AP2B1: variants seen among roughly 807,000 people sequenced by gnomAD.
AP2B1 encodes the protein AP-2 complex subunit beta.
AP2B1 carries 23 observed loss-of-function variants against 102.0 expected under a neutral mutation model. The observed-to-expected ratio is 0.23, with a 90% CI of 0.16 to 0.32. The LOEUF (loss-of-function observed/expected upper bound fraction) is 0.32, where lower values mean the gene tolerates loss of function less well. Ranked by LOEUF, AP2B1 falls within the 10% of genes least tolerant of loss-of-function variation. AP2B1 has a pLI of 1.00. For missense variants in AP2B1, 541 were observed against 1,157.4 expected, an observed-to-expected ratio of 0.47 and a Z score of 7.73; for synonymous variants, 381 against 421.2, an observed-to-expected ratio of 0.90 and a Z score of 1.17.
At chr17:35,630,043 A>G (rs1951625176) in intron 9 of AP2B1, among the ~76,000 whole-genome samples, 1 of 152,216 alleles carries the variant, frequency 6.6e-6, no homozygotes, top group Non-Finnish European at 1.5e-5. Flanking sequence ...ATGATTTCTC[A>G]GGAATACGAA....
At chr17:35,710,528 A>G (rs1298503145) in intron 20 of AP2B1, among the ~76,000 whole-genome samples, 5 of 152,240 alleles carry the variant, frequency 3.3e-5, no homozygotes, top group African/African-American at 1.2e-4. Context: ...ACAAGCTAAC[A>G]TTTAAGAAAC....
At chr17:35,697,333 T>C (rs1390380931) in intron 18 of AP2B1, among the ~76,000 whole-genome samples, 1 of 152,218 alleles carries the variant, frequency 6.6e-6, no homozygotes, top group Non-Finnish European at 1.5e-5. Flanking sequence ...TGTGCTCACA[T>C]TTTGGGAATT....
chr17:35,670,162 A>C (rs564213267), intron 14 of AP2B1, among the ~76,000 whole-genome samples: 2 of 152,308 alleles, frequency 1.3e-5, no homozygotes, highest in Admixed American at 1.3e-4. Flanking sequence ...TTTTTAAATG[A>C]TCTCCAAATA....
At position 35,723,644 on chromosome 17, in the gene AP2B1, C is replaced by G; in HGVS notation, c.2801C>G (p.Ala934Gly). 1 of 1,612,418 alleles carries G rather than the reference C, an allele frequency of 6.2e-7. No homozygotes were observed. The highest frequency in any genetic ancestry group is 8.5e-7 in the Non-Finnish European group (1 of 1,178,442). Reference protein sequence around the residue: ...PNYTLSLKCRAPEVSQYIYQV... With the variant: ...PNYTLSLKCRGPEVSQYIYQV... ...TAACAGCTGTCACTGAAGTGTAGAG[C>G]TCCTGAAGTCTCTCAATACATCTAT... is the stretch of plus-strand genomic sequence containing the variant. Residue 934 changes from alanine to glycine, a missense_variant, in exon 22 of 22, where the codon GCT (alanine) becomes GGT (glycine). Ala to Gly is a moderately conservative substitution (Grantham distance 60, BLOSUM62 0). Transcript: ENST00000610402.
At chr17:35,679,159 C>A (rs1475406962) in intron 17 of AP2B1, among the ~76,000 whole-genome samples, 1 of 152,064 alleles carries the variant, frequency 6.6e-6, no homozygotes, top group Non-Finnish European at 1.5e-5. Context: ...GGAAGCTAGG[C>A]GGGTAGTTTT....
intron 2 of AP2B1, among the ~76,000 whole-genome samples, chr17:35,596,180 A>G (rs10468596): frequency 3.1e-4 from 47 of 152,316 alleles, no homozygotes; most frequent in African/African-American, 1.1e-3. Flanking sequence ...CTTTGATTCT[A>G]TAACACCTGC....
intron 9 of AP2B1, among the ~76,000 whole-genome samples, chr17:35,632,654 A>G (rs1468876686): frequency 1.3e-5 from 2 of 151,176 alleles, no homozygotes; most frequent in Non-Finnish European, 2.9e-5. Context: ...TACTGCTTTA[A>G]TGGTAGTTTT....
intron 13 of AP2B1, 108 bp from the exon 14 acceptor site, chr17:35,657,491 T>G: frequency 2.7e-6 from 2 of 750,870 alleles, no homozygotes; most frequent in Non-Finnish European, 4.1e-6. Flanking sequence ...TTTTCCCCCT[T>G]GTATTTGATA....
chr17:35,710,500 G>T (rs2076424149), intron 20 of AP2B1, among the ~76,000 whole-genome samples, 180 bp downstream of exon 20: 1 of 152,120 alleles, frequency 6.6e-6, no homozygotes, highest in African/African-American at 2.4e-5. Context: ...ATGTTTTGAT[G>T]TAGGTACTAG....
At chr17:35,720,848 A>G (rs1335881932) in intron 21 of AP2B1, among the ~76,000 whole-genome samples, 1 of 151,808 alleles carries the variant, frequency 6.6e-6, no homozygotes, top group African/African-American at 2.4e-5. Context: ...CTCCCATCAT[A>G]GCACTTGACA....
intron 20 of AP2B1, among the ~76,000 whole-genome samples, chr17:35,711,599 G>A (rs954418456): frequency 1.3e-5 from 2 of 152,078 alleles, no homozygotes; most frequent in African/African-American, 4.8e-5. Context: ...CTCCAGAGTA[G>A]CTGGGACTAC....
At chr17:35,713,969 A>T (rs587721303) in intron 20 of AP2B1, among the ~76,000 whole-genome samples, 1 of 152,350 alleles carries the variant, frequency 6.6e-6, no homozygotes, top group Non-Finnish European at 1.5e-5. Context: ...TTTGGGGTTA[A>T]TAGGTATCTG....
intron 17 of AP2B1, among the ~76,000 whole-genome samples, chr17:35,678,529 TTTCA>T (rs2075749899): frequency 6.6e-6 from 1 of 152,342 alleles, no homozygotes; most frequent in South Asian, 2.1e-4. Flanking sequence ...CTTGAGGAAG[TTTCA>T]TTCTGTTCCT....
intron 13 of AP2B1, among the ~76,000 whole-genome samples, chr17:35,654,957 G>C (rs531972297): frequency 6.6e-6 from 1 of 152,212 alleles, no homozygotes; most frequent in South Asian, 2.1e-4. Context: ...TAGCGGTGAT[G>C]TTTTTGGTAA....
At chr17:35,622,048 T>C (rs1372309990) in intron 5 of AP2B1, among the ~76,000 whole-genome samples, 1 of 152,194 alleles carries the variant, frequency 6.6e-6, no homozygotes, top group Non-Finnish European at 1.5e-5. Flanking sequence ...GCAAGGGAAA[T>C]AAAATATCTT....
intron 17 of AP2B1, among the ~76,000 whole-genome samples, chr17:35,682,073 G>A (rs8073375): frequency 0.5 from 75,422 of 151,696 alleles, 18,795 homozygotes; most frequent in East Asian, 0.52. Context: ...TGGCCAACAC[G>A]GTGAAACCCC....
rs71366465 is a variant in AP2B1 at position 35,589,924 on chromosome 17, CTTTTTTTTTTT to C, written c.-24+2505_-24+2515del. ...ATTTTGTTTACTTTTTCTGTAACTT[CTTTTTTTTTTT>C]TTTTTTTTGAGACGGAGTCTCACTC... is the stretch of plus-strand genomic sequence containing the variant. On this transcript the variant is annotated intron_variant, in intron 1 of 21. Coordinates refer to ENST00000610402, the MANE Select transcript of AP2B1 (RefSeq NM_001030006.2). Among the ~76,000 whole-genome samples the C allele has an allele frequency of 1.1e-4, 13 of 119,480 alleles. No homozygotes were observed. In the South Asian group the frequency reaches 2.9e-3, roughly 27 times the overall value. 78.4% of individuals were successfully genotyped at this position (119,480 alleles called of 152,430 possible).
At position 35,717,338 on chromosome 17, in the gene AP2B1, C is replaced by G. The variant is rs1053750128; in HGVS notation, c.2770C>G (p.Pro924Ala). 2 of 1,613,936 alleles carry G rather than the reference C, an allele frequency of 1.2e-6. No individual in the cohort carries two copies. The highest frequency in any genetic ancestry group is 1.3e-5 in the African/African-American group (1 of 74,880). ...CGAACTACGTATCCAGCCAGGAAAC[C>G]CCAATTACACGGTAAGGCCTTTCTC... ...LAELRIQPGN[P>A]NYTLSLKCRA... is the part of the protein sequence containing the mutation. Residue 924 changes from proline to alanine, a missense_variant, in exon 21 of 22, where the codon CCC becomes GCC. Pro to Ala is a conservative substitution (Grantham distance 27). Transcript: ENST00000610402.
At chr17:35,639,798 A>T in intron 11 of AP2B1, 38 bp downstream of exon 11, 1 of 1,590,318 alleles carries the variant, frequency 6.3e-7, no homozygotes, top group South Asian at 1.1e-5. Context: ...GTAGTTTTAG[A>T]TGTCTTTGGG....
Sources: allele counts gnomAD v4.1 joint callset (sites outside exome capture counted in the v4.1 genomes callset), GRCh38; gene constraint gnomAD v4.1.1; transcripts MANE v1.5; gene names NCBI Gene and HGNC (gene_info 2026-07-23, HGNC 2026-07-21).